Variants in ZMAT4 observed in about 807,000 individuals in gnomAD.
The protein encoded by ZMAT4 is zinc finger matrin-type 4, also known as zinc finger matrin-type protein 4.
ZMAT4 carries 17 observed loss-of-function variants against 28.7 expected under a neutral mutation model. The ratio of observed to expected loss-of-function variants is 0.59; its 90% CI spans 0.41 to 0.89. The LOEUF is 0.89. Among genes scored for constraint, ZMAT4 ranks in the 40% least tolerant of loss-of-function variants. ZMAT4 has a pLI of 0.00. For synonymous variants in ZMAT4, 117 were observed against 109.2 expected (o/e 1.07, Z -0.44); for missense variants, 240 against 283.8 (o/e 0.85, Z 1.11).
At chr8:40,599,313 A>T (rs533093732) in intron 5 of ZMAT4, among the ~76,000 whole-genome samples, 126 of 152,344 alleles carry the variant, frequency 8.3e-4, no homozygotes, top group African/African-American at 2.9e-3. Context: ...TAGGTTAATT[A>T]GTAGGAATCT....
intron 5 of ZMAT4, among the ~76,000 whole-genome samples, chr8:40,650,746 T>C (rs1325897519): frequency 2.1e-5 from 3 of 141,072 alleles, no homozygotes; most frequent in African/African-American, 7.8e-5. Context: ...GTGGGCTTCA[T>C]CCCTGGGATG....
rs560144756 is a variant in ZMAT4, at chr8:40,868,400, C to G, written c.-5+29283G>C. Among the ~76,000 whole-genome samples the G allele has an allele frequency of 1.3e-3, 197 of 152,242 alleles. 1 individual carries two copies. Among genetic ancestry groups the G allele is most frequent in the African/African-American group, 4.5e-3 (187 of 41,554 alleles). On this transcript the variant is annotated intron_variant, in intron 1 of 6. Transcript: ENST00000297737. The stretch of plus-strand genomic sequence containing the variant: ...TGCCTGCAGGAGCAGCTAAGCCCTG[C>G]TACAGAACCACAGGGGAGGAAGTAA...
chr8:40,846,717 G>C (rs1001258520), intron 1 of ZMAT4, among the ~76,000 whole-genome samples: 58 of 152,170 alleles, frequency 3.8e-4, no homozygotes, highest in African/African-American at 1.2e-3. Flanking sequence ...TGGGGACTTG[G>C]CAGGGCAGAC....
At chr8:40,581,128 CG>C in intron 6 of ZMAT4, 36 bp downstream of exon 6, 1 of 1,551,348 alleles carries the variant, frequency 6.4e-7, no homozygotes, top group Non-Finnish European at 8.9e-7. Flanking sequence ...AAAATTACAT[CG>C]AAGAAACTGA....
At chr8:40,847,689 C>T (rs1488874133) in intron 1 of ZMAT4, among the ~76,000 whole-genome samples, 1 of 152,126 alleles carries the variant, frequency 6.6e-6, no homozygotes, top group African/African-American at 2.4e-5. Context: ...AACTCCTTCC[C>T]CCCTAAATTT....
intron 6 of ZMAT4, among the ~76,000 whole-genome samples, chr8:40,575,566 T>G (rs1166912226): frequency 6.6e-6 from 1 of 151,834 alleles, no homozygotes; most frequent in Non-Finnish European, 1.5e-5. Flanking sequence ...TAATTACAGC[T>G]GGAGAAACTA....
At chr8:40,811,069 T>C (rs896834362) in intron 2 of ZMAT4, among the ~76,000 whole-genome samples, 3 of 152,150 alleles carry the variant, frequency 2.0e-5, no homozygotes, top group African/African-American at 7.2e-5. Flanking sequence ...CATGTACAAT[T>C]GGTTGGAGAG....
At chr8:40,637,172 A>G (rs1283824539) in intron 5 of ZMAT4, among the ~76,000 whole-genome samples, 2 of 152,172 alleles carry the variant, frequency 1.3e-5, no homozygotes, top group Non-Finnish European at 2.9e-5. Context: ...TCTTGAAACC[A>G]CATTTCTCAG....
intron 5 of ZMAT4, among the ~76,000 whole-genome samples, chr8:40,607,959 G>A (rs749731849): frequency 1.2e-4 from 18 of 152,080 alleles, no homozygotes; most frequent in Admixed American, 5.9e-4. Flanking sequence ...GATTCTGTGG[G>A]GGTCCTTGGT....
intron 5 of ZMAT4, among the ~76,000 whole-genome samples, chr8:40,662,844 G>T (rs1808259303): frequency 1.3e-5 from 2 of 152,020 alleles, no homozygotes; most frequent in Admixed American, 6.6e-5. Context: ...TTTTCATTTT[G>T]CTAACTGGGA....
At chr8:40,739,950 C>T (rs541081097) in intron 3 of ZMAT4, among the ~76,000 whole-genome samples, 2 of 152,286 alleles carry the variant, frequency 1.3e-5, no homozygotes, top group Non-Finnish European at 2.9e-5. Context: ...CCAGCTTCAT[C>T]CATGTCCCTG....
At chr8:40,862,891 G>A (rs1282649061) in intron 1 of ZMAT4, among the ~76,000 whole-genome samples, 1 of 151,566 alleles carries the variant, frequency 6.6e-6, no homozygotes, top group Non-Finnish European at 1.5e-5. Flanking sequence ...AATGGGTGCA[G>A]CACACTGTCA....
chr8:40,644,190 G>C (rs1465563652), intron 5 of ZMAT4, among the ~76,000 whole-genome samples: 1 of 152,106 alleles, frequency 6.6e-6, no homozygotes, highest in Non-Finnish European at 1.5e-5. Flanking sequence ...TGAAGGGAAA[G>C]AATTTGATTA....
intron 3 of ZMAT4, among the ~76,000 whole-genome samples, chr8:40,734,616 A>C (rs987834505): frequency 6.6e-6 from 1 of 152,160 alleles, no homozygotes; most frequent in Non-Finnish European, 1.5e-5. Flanking sequence ...CCCGTCTCTC[A>C]TTAGAAAACA....
intron 6 of ZMAT4, among the ~76,000 whole-genome samples, chr8:40,556,588 A>G (rs1216098916): frequency 6.6e-6 from 1 of 152,144 alleles, no homozygotes; most frequent in Non-Finnish European, 1.5e-5. Flanking sequence ...TGGACTACCT[A>G]AATAGTTTCT....
chr8:40,696,959 C>A, intron 4 of ZMAT4: 2 of 280,400 alleles, frequency 7.1e-6, no homozygotes, highest in Non-Finnish European at 1.3e-5. Context: ...TTATATAATA[C>A]ACAGTAGGAA....
intron 6 of ZMAT4, 78 bp from the exon 7 acceptor site, chr8:40,532,316 CT>C (rs1433404741): frequency 2.2e-5 from 30 of 1,336,590 alleles, no homozygotes; most frequent in Non-Finnish European, 2.8e-5. Context: ...CCCCCACCCC[CT>C]GTCTCTCTTC....
intron 5 of ZMAT4, among the ~76,000 whole-genome samples, chr8:40,593,699 G>A (rs1426522016): frequency 2.0e-5 from 3 of 152,170 alleles, no homozygotes; most frequent in Admixed American, 6.5e-5. Flanking sequence ...AGGACTCGAC[G>A]TTGAGTCGTT....
At chr8:40,650,548 A>C (rs1356889294) in intron 5 of ZMAT4, among the ~76,000 whole-genome samples, 3 of 134,592 alleles carry the variant, frequency 2.2e-5, no homozygotes, top group Non-Finnish European at 4.8e-5. Flanking sequence ...TCAATAGAAA[A>C]AGAGGGAATC....
Sources: allele counts gnomAD v4.1 joint callset (sites outside exome capture counted in the v4.1 genomes callset), GRCh38; gene constraint gnomAD v4.1.1; transcripts MANE v1.5; gene names NCBI Gene and HGNC (gene_info 2026-07-23, HGNC 2026-07-21).